CGGBP1: variants seen among roughly 807,000 people sequenced by gnomAD.
CGGBP1 encodes the protein CGG triplet repeat binding protein 1, also known as CGG triplet repeat-binding protein 1.
A neutral mutation model predicts 11.4 loss-of-function variants in CGGBP1; 4 were observed. The observed-to-expected ratio is 0.35, with a 90% CI of 0.17 to 0.80. CGGBP1 has a LOEUF of 0.80. CGGBP1 is among the 30% of genes least tolerant of loss of function. The probability of loss-of-function intolerance (pLI) is 0.52; values close to 1 mark genes in which losing one functional copy is unlikely to be tolerated. For synonymous variants in CGGBP1, 76 were observed against 74.1 expected (o/e 1.03, Z -0.13); for missense variants, 135 against 202.1 (o/e 0.67, Z 2.01).
At chr3:88,080,721 A>G (rs1708034873) in intron 2 of CGGBP1, among the ~76,000 whole-genome samples, 1 of 152,208 alleles carries the variant, frequency 6.6e-6, no homozygotes, top group African/African-American at 2.4e-5. Flanking sequence ...GTAATAAAGT[A>G]GAAAAAGTAA....
chr3:88,118,748 G>C (rs570124432), intron 2 of CGGBP1, among the ~76,000 whole-genome samples: 1 of 152,164 alleles, frequency 6.6e-6, no homozygotes, highest in Non-Finnish European at 1.5e-5. Flanking sequence ...TTTCAAAACT[G>C]TGCTACCATA....
chr3:88,097,294 G>C (rs1219769219), intron 2 of CGGBP1, among the ~76,000 whole-genome samples: 2 of 151,742 alleles, frequency 1.3e-5, no homozygotes, highest in African/African-American at 4.8e-5. Context: ...CCTCTGTAAA[G>C]GTTGAACCAA....
At chr3:88,058,643 C>CCTTG (rs2107566092) in intron 1 of CGGBP1, among the ~76,000 whole-genome samples, 172 bp downstream of exon 1, 1 of 152,350 alleles carries the variant, frequency 6.6e-6, no homozygotes, top group Non-Finnish European at 1.5e-5. Context: ...GAGGCGGCGG[C>CCTTG]AGGCGCCTGG....
chr3:88,149,079 T>C (rs186679802), intron 1 of CGGBP1, among the ~76,000 whole-genome samples: 387 of 152,264 alleles, frequency 2.5e-3, no homozygotes, highest in African/African-American at 9.1e-3. Flanking sequence ...CAAGTGACAA[T>C]GCATTTAGTC....
rs1348131062 is a variant in CGGBP1, at chr3:88,052,965, CAT to C, written c.*2506_*2507del. 2.9e-4 allele frequency: 45 copies of C among 152,706 alleles called. No homozygotes were observed. The South Asian group carries it at 3.1e-3, about 11-fold the overall frequency. 9.5% of individuals were successfully genotyped at this position (152,706 alleles called of 1,614,324 possible). A position where few individuals can be genotyped will look rare whatever the true frequency, so the allele number is the denominator to read the frequency against. ...CAATACTTTGAGAAAACACTATTAA[CAT>C]GTGTTGAAGAAGGCAGTTTATAAAT... On this transcript the variant is annotated 3_prime_UTR_variant, in exon 4 of 4. Coordinates refer to ENST00000482016, the MANE Select transcript of CGGBP1 (RefSeq NM_001008390.2).
intron 2 of CGGBP1, among the ~76,000 whole-genome samples, chr3:88,081,010 A>C (rs1269655543): frequency 1.3e-5 from 2 of 152,126 alleles, no homozygotes; most frequent in African/African-American, 2.4e-5. Flanking sequence ...GTTTCTCCTT[A>C]GTCTCTTCCA....
At chr3:88,079,073 T>TA (rs897557512) in intron 2 of CGGBP1, among the ~76,000 whole-genome samples, 3 of 152,082 alleles carry the variant, frequency 2.0e-5, no homozygotes, top group African/African-American at 4.8e-5. Flanking sequence ...AGTTATACCG[T>TA]AAAAAATCAA....
In CGGBP1 at chr3:88,138,762, G is replaced by A. The variant is rs943063247; in HGVS notation, c.-229+2208C>T. The A allele has an allele frequency of 4.1e-6, 5 of 1,231,796 alleles. No homozygotes were observed. The African/African-American group carries it at 4.7e-5, about 11-fold the overall frequency. 76.3% of individuals were successfully genotyped at this position (1,231,796 alleles called of 1,614,324 possible). On this transcript the variant is annotated intron_variant, in intron 2 of 3. Transcript: ENST00000462901. ...AATATGTGGTTGTGCTCTACAACTC[G>A]ACCTTCATGATGATCCCAAAACTAA...
intron 2 of CGGBP1, among the ~76,000 whole-genome samples, chr3:88,106,912 A>C (rs1249108024): frequency 6.6e-6 from 1 of 152,104 alleles, no homozygotes; most frequent in Admixed American, 6.5e-5. Flanking sequence ...TCGTATACTA[A>C]ATTTTCACAT....
chr3:88,104,672 CTAGAG>C (rs1251803993), intron 2 of CGGBP1, among the ~76,000 whole-genome samples: 1 of 152,134 alleles, frequency 6.6e-6, no homozygotes, highest in African/African-American at 2.4e-5. Context: ...TTTGTAAACT[CTAGAG>C]TAACCGCTAA....
At chr3:88,081,905 A>T (rs563421113) in intron 2 of CGGBP1, among the ~76,000 whole-genome samples, 18 of 152,332 alleles carry the variant, frequency 1.2e-4, no homozygotes, top group African/African-American at 4.3e-4. Context: ...ATACTTTTAT[A>T]TATACAACTA....
chr3:88,055,322 G>T lies in CGGBP1; in HGVS notation c.*151C>A, dbSNP rs913219255. 2.6e-5 allele frequency: 15 copies of T among 583,012 alleles called. No individual in the cohort carries two copies. Among genetic ancestry groups the T allele is most frequent in the African/African-American group, 5.9e-5 (3 of 50,860 alleles). The allele number at this position is 583,012 out of a possible 1,614,324, so 36.1% of individuals were successfully genotyped here. A position where few individuals can be genotyped will look rare whatever the true frequency, so the allele number is the denominator to read the frequency against. On this transcript the variant is annotated 3_prime_UTR_variant, in exon 4 of 4. Transcript: ENST00000482016. The surrounding 1 kb of genome is among the most constrained non-coding windows in gnomAD (Gnocchi z 4.2). ...TAACAATAAGTTTTGCAGTGAGGTG[G>T]TTTTTTTTTTGCCTGCAACTATATA...
In CGGBP1 at chr3:88,058,003, A is replaced by C. The variant is rs1341882365; in HGVS notation, c.-126+16T>G. Reference sequence around the variant, plus strand: ...AAAAGAAAACTCATCATAAGTTTTCAAGTTTAAATGTTTACCGGATTAGTT... The same window carrying C: ...AAAAGAAAACTCATCATAAGTTTTCCAGTTTAAATGTTTACCGGATTAGTT... On this transcript the variant is annotated intron_variant, in intron 2 of 3. Coordinates refer to ENST00000482016, the MANE Select transcript of CGGBP1 (RefSeq NM_001008390.2). 1 of 152,254 alleles carries C rather than the reference A, an allele frequency of 6.6e-6. No individual in the cohort carries two copies. Among genetic ancestry groups the C allele is most frequent in the Non-Finnish European group, 1.5e-5 (1 of 68,042 alleles). The allele number at this position is 152,254 out of a possible 1,614,324, so 9.4% of individuals were successfully genotyped here.
At chr3:88,059,164 T>G (rs1260452097), upstream of CGGBP1, 12 of 1,379,306 alleles carry the variant, frequency 8.7e-6, no homozygotes, top group African/African-American at 1.5e-4. Flanking sequence ...GGGGCGTGGG[T>G]GGGCGGAGCC....
chr3:88,135,644 T>A (rs1706732420), intron 2 of CGGBP1: 1 of 152,324 alleles, frequency 6.6e-6, no homozygotes, highest in Non-Finnish European at 1.5e-5. Flanking sequence ...ACAAAGTTTT[T>A]AAATTGTTTA....
rs1705203920 is a variant in CGGBP1 at position 88,113,316 on chromosome 3, A to G, written c.-229+27654T>C. The G allele has an allele frequency of 1.3e-5, 7 of 554,334 alleles. No homozygotes were observed. The East Asian group carries it at 2.2e-4, about 18-fold the overall frequency. 34.3% of individuals were successfully genotyped at this position (554,334 alleles called of 1,614,324 possible). ...AGTTTTTAATGATTGCTAAGGTGACAGTGTTTAAGATCCTATTATTACTGG... is the reference window on the plus strand; with the variant it reads ...AGTTTTTAATGATTGCTAAGGTGACGGTGTTTAAGATCCTATTATTACTGG... On this transcript the variant is annotated intron_variant, in intron 2 of 3. Transcript: ENST00000462901.
chr3:88,104,755 A>C (rs1298691971), intron 2 of CGGBP1, among the ~76,000 whole-genome samples: 1 of 152,242 alleles, frequency 6.6e-6, no homozygotes. Flanking sequence ...GTCCCAAAGA[A>C]GGAGGAAGAA....
chr3:88,138,156 TC>T (rs1475981277), intron 2 of CGGBP1, among the ~76,000 whole-genome samples: 1 of 152,154 alleles, frequency 6.6e-6, no homozygotes, highest in African/African-American at 2.4e-5. Flanking sequence ...ATAACTGCCT[TC>T]TTTATGTGTG....
At chr3:88,149,425 G>A (rs1707367142) in intron 1 of CGGBP1, among the ~76,000 whole-genome samples, 1 of 152,282 alleles carries the variant, frequency 6.6e-6, no homozygotes, top group Non-Finnish European at 1.5e-5. Context: ...GCAAGAGACG[G>A]TCCCGGCGTG....
Sources: allele counts gnomAD v4.1 joint callset (sites outside exome capture counted in the v4.1 genomes callset), GRCh38; gene constraint gnomAD v4.1.1; non-coding constraint Gnocchi (gnomAD v3.1); transcripts MANE v1.5; gene names NCBI Gene and HGNC (gene_info 2026-07-23, HGNC 2026-07-21).